The following CTIF variants were observed in gnomAD, a reference collection of about 807,000 sequenced individuals.
CTIF encodes CBP80/20-dependent translation initiation factor.
CTIF carries 21 observed loss-of-function variants against 66.0 expected under a neutral mutation model. That is an observed-to-expected ratio of 0.32 (90% confidence interval 0.23 to 0.46). CTIF has a LOEUF of 0.46. CTIF is among the 20% of genes least tolerant of loss of function. The pLI is 1.00. For missense variants in CTIF, 739 were observed against 812.7 expected, an observed-to-expected ratio of 0.91 and a Z score of 1.10; for synonymous variants, 345 against 326.4, an observed-to-expected ratio of 1.06 and a Z score of -0.62.
intron 6 of CTIF, among the ~76,000 whole-genome samples, chr18:48,705,706 G>A (rs1276550326): frequency 1.3e-5 from 2 of 152,186 alleles, no homozygotes; most frequent in African/African-American, 2.4e-5. Flanking sequence ...CCCAACTCCC[G>A]GCACTCAGCC....
intron 10 of CTIF, among the ~76,000 whole-genome samples, chr18:48,823,066 C>G (rs4939817): frequency 0.4 from 59,209 of 148,830 alleles, 12,177 homozygotes; most frequent in South Asian, 0.52. Context: ...GACATTAACT[C>G]TTTATCAGAT....
chr18:48,785,250 C>T (rs1403928356), intron 9 of CTIF, among the ~76,000 whole-genome samples: 3 of 152,200 alleles, frequency 2.0e-5, no homozygotes, highest in African/African-American at 4.8e-5. Flanking sequence ...AGTCTATTGA[C>T]GTTTCTGACT....
chr18:48,748,015 G>A (rs1374177580), intron 7 of CTIF, among the ~76,000 whole-genome samples: 5 of 151,970 alleles, frequency 3.3e-5, no homozygotes, highest in Non-Finnish European at 7.4e-5. Flanking sequence ...GACGGCCAAA[G>A]TAATGGAGAA....
chr18:48,728,885 G>A (rs1383345942), intron 7 of CTIF, among the ~76,000 whole-genome samples: 1 of 152,190 alleles, frequency 6.6e-6, no homozygotes, highest in Non-Finnish European at 1.5e-5. Context: ...CTAAACAAGA[G>A]TTTGAGTGTC....
At position 48,539,594 on chromosome 18, in the gene CTIF, G is replaced by A. The variant is rs532923821; in HGVS notation, c.-29+282G>A. 3.3e-5 allele frequency: 5 copies of A among 152,814 alleles called. No individual in the cohort carries two copies. The South Asian group carries it at 1.0e-3, about 32-fold the overall frequency. 9.5% of individuals were successfully genotyped at this position (152,814 alleles called of 1,614,324 possible). ...CCTGCCGGGTTCCCCGCCCCGCGGG[G>A]TGTCGTGGCCCTGGAGCTCCGGCGC... is the stretch of plus-strand genomic sequence containing the variant. On this transcript the variant is annotated intron_variant, in intron 1 of 11. Coordinates refer to ENST00000256413, the MANE Select transcript of CTIF (RefSeq NM_014772.3).
At chr18:48,655,314 AAAAAAAG>A (rs2091228724) in intron 3 of CTIF, among the ~76,000 whole-genome samples, 1 of 99,574 alleles carries the variant, frequency 1.0e-5, no homozygotes, top group African/African-American at 2.8e-5. Flanking sequence ...AAAAAAAAAA[AAAAAAAG>A]AAGAATAAAA....
chr18:48,689,126 G>C (rs1287680913), intron 6 of CTIF, among the ~76,000 whole-genome samples: 1 of 152,244 alleles, frequency 6.6e-6, no homozygotes, highest in African/African-American at 2.4e-5. Flanking sequence ...GACTGCCACA[G>C]CATCTGGGCA....
intron 7 of CTIF, among the ~76,000 whole-genome samples, chr18:48,724,447 GTC>G (rs1232462098): frequency 3.9e-5 from 6 of 152,110 alleles, no homozygotes; most frequent in African/African-American, 1.4e-4. Flanking sequence ...GAACAGGCCT[GTC>G]TCTGTCCTGC....
At chr18:48,599,328 G>T (rs1004810595) in intron 1 of CTIF, among the ~76,000 whole-genome samples, 11 of 151,566 alleles carry the variant, frequency 7.3e-5, no homozygotes, top group South Asian at 2.1e-4. Flanking sequence ...TCCTCTTAAA[G>T]GTTTTTTTTT....
intron 3 of CTIF, chr18:48,662,390 A>G (rs981093851): frequency 7.6e-6 from 1 of 132,432 alleles, no homozygotes; most frequent in African/African-American, 2.7e-5. Context: ...GTTGGTGCCC[A>G]GAGAGAGGGA....
chr18:48,586,630 CT>C (rs1374626858), intron 1 of CTIF, among the ~76,000 whole-genome samples: 1 of 152,234 alleles, frequency 6.6e-6, no homozygotes, highest in Non-Finnish European at 1.5e-5. Context: ...TGGTTAGTCA[CT>C]GCGAAGATTT....
chr18:48,610,473 G>C (rs915469781), intron 1 of CTIF, among the ~76,000 whole-genome samples: 1 of 152,014 alleles, frequency 6.6e-6, no homozygotes, highest in Non-Finnish European at 1.5e-5. Flanking sequence ...CTGCCCGGGT[G>C]GGTTGCTGTT....
At chr18:48,562,740 G>A (rs2089191383) in intron 1 of CTIF, among the ~76,000 whole-genome samples, 1 of 152,160 alleles carries the variant, frequency 6.6e-6, no homozygotes, top group South Asian at 2.1e-4. Context: ...TTTTTATCGA[G>A]CATGATCATA....
chr18:48,543,837 C>A (rs1341541823), intron 1 of CTIF, among the ~76,000 whole-genome samples: 1 of 152,174 alleles, frequency 6.6e-6, no homozygotes, highest in East Asian at 1.9e-4. Flanking sequence ...TTATCTTCTT[C>A]TCTCCTGTCT....
At chr18:48,757,678 C>T (rs1181824256) in intron 7 of CTIF, among the ~76,000 whole-genome samples, 5 of 152,148 alleles carry the variant, frequency 3.3e-5, no homozygotes, top group African/African-American at 1.2e-4. Context: ...GAATAAAGTA[C>T]TGATTTTAAG....
intron 3 of CTIF, among the ~76,000 whole-genome samples, chr18:48,655,220 G>A (rs1352390897): frequency 1.3e-5 from 2 of 149,746 alleles, no homozygotes; most frequent in Admixed American, 6.7e-5. Context: ...CAAGAGAATC[G>A]CTTGAACCTG....
chr18:48,775,763 G>A (rs896450045), intron 9 of CTIF, among the ~76,000 whole-genome samples: 1 of 152,256 alleles, frequency 6.6e-6, no homozygotes, highest in South Asian at 2.1e-4. Context: ...GCAGGATCTG[G>A]GTGGAAGGAA....
At chr18:48,796,169 A>T in intron 9 of CTIF, among the ~76,000 whole-genome samples, 1 of 148,648 alleles carries the variant, frequency 6.7e-6, no homozygotes, top group East Asian at 2.0e-4. Context: ...CTAATTTTTT[A>T]ATTATTTTAT....
rs114266600 is a variant in CTIF, at chr18:48,719,409, G to A, written c.584+7714G>A. ...CCAGGTCCCCCAGATCTTGCCCACCGGGAACTGATGAGGAATTAACCTAGT... is the reference window on the plus strand; with the variant it reads ...CCAGGTCCCCCAGATCTTGCCCACCAGGAACTGATGAGGAATTAACCTAGT... On this transcript the variant is annotated intron_variant, in intron 7 of 11. Coordinates refer to ENST00000256413, the MANE Select transcript of CTIF (RefSeq NM_014772.3). Among the ~76,000 whole-genome samples the A allele has an allele frequency of 7.6e-3, 1,160 of 152,100 alleles. 19 individuals are homozygous for A. The highest frequency in any genetic ancestry group is 0.027 in the African/African-American group (1,107 of 41,482).
Sources: gnomAD v4.1 joint callset for allele counts (sites outside exome capture counted in the v4.1 genomes callset) on GRCh38, gnomAD v4.1.1 for gene constraint, MANE v1.5 for transcripts, NCBI Gene and HGNC (gene_info 2026-07-23, HGNC 2026-07-21) for gene names.